SNTB1: variants seen among roughly 807,000 people sequenced by gnomAD.
The protein encoded by SNTB1 is beta-1-syntrophin.
In SNTB1, 36 loss-of-function variants were observed where a neutral mutation model predicts 48.9. The observed-to-expected ratio is 0.74, with a 90% confidence interval of 0.56 to 0.97. The LOEUF (loss-of-function observed/expected upper bound fraction) is 0.97, where lower values mean the gene tolerates loss of function less well. Ranked by LOEUF, SNTB1 falls within the 50% of genes least tolerant of loss-of-function variation. The probability of loss-of-function intolerance (pLI) is 0.00; values close to 1 mark genes in which losing one functional copy is unlikely to be tolerated. For synonymous variants in SNTB1, 299 were observed against 294.6 expected, an observed-to-expected ratio of 1.01 and a Z score of -0.15; for missense variants, 786 against 703.4, an observed-to-expected ratio of 1.12 and a Z score of -1.33.
chr8:120,569,079 C>T (rs1258262997), intron 4 of SNTB1, among the ~76,000 whole-genome samples: 1 of 152,198 alleles, frequency 6.6e-6, no homozygotes, highest in Non-Finnish European at 1.5e-5. Context: ...CTCCCAGGTT[C>T]AAGCGATTCT....
rs551946684 is a variant in SNTB1 at position 120,539,002 on chromosome 8, T to G, written c.1525-33A>C. 523 of 1,525,150 alleles carry G rather than the reference T, an allele frequency of 3.4e-4. 7 individuals carry two copies. In the South Asian group the frequency reaches 6.0e-3, roughly 18 times the overall value. 94.5% of individuals were successfully genotyped at this position (1,525,150 alleles called of 1,614,324 possible). On this transcript the variant is annotated intron_variant, in intron 6 of 6. Coordinates refer to ENST00000517992, the MANE Select transcript of SNTB1 (RefSeq NM_021021.4). The stretch of plus-strand genomic sequence containing the variant: ...TTAAAAAGAAGAGAGCATGAGCGAT[T>G]TTAAATTAATGCTTGATGTAGATGG...
At chr8:120,604,623 G>T (rs1048939143) in intron 3 of SNTB1, among the ~76,000 whole-genome samples, 1 of 151,978 alleles carries the variant, frequency 6.6e-6, no homozygotes, top group East Asian at 1.9e-4. Flanking sequence ...GCTAATTTTT[G>T]TATTTTTAGT....
chr8:120,617,129 CGTTAGT>C (rs1456907596), intron 3 of SNTB1, among the ~76,000 whole-genome samples: 1 of 152,164 alleles, frequency 6.6e-6, no homozygotes, highest in Non-Finnish European at 1.5e-5. Context: ...CATTAGCTAT[CGTTAGT>C]GTTAGTGTAT....
rs201154867 is a variant in SNTB1, at chr8:120,693,864, G to A, written c.616C>T (p.Pro206Ser). 1 of 1,614,090 alleles carries A rather than the reference G, an allele frequency of 6.2e-7. No individual in the cohort carries two copies. The highest frequency in any genetic ancestry group is 2.2e-5 in the East Asian group (1 of 44,872). Residue 206 changes from proline to serine, a missense_variant, in exon 2 of 7, where the codon CCA becomes TCA. By Grantham distance (74) the Pro-to-Ser change is moderately conservative. Coordinates refer to ENST00000517992, the MANE Select transcript of SNTB1 (RefSeq NM_021021.4). ...EATPYVKKGSPVSEIGWETPP... is the reference protein window; with the variant it reads ...EATPYVKKGSSVSEIGWETPP... ...GTTTCCCACCCAATCTCGGATACTG[G>A]GGATCCTTTCTTCACATAGGGCGTG...
chr8:120,716,174 A>AAATG (rs1173286241), intron 1 of SNTB1, among the ~76,000 whole-genome samples: 3 of 152,248 alleles, frequency 2.0e-5, no homozygotes, highest in African/African-American at 4.8e-5. Context: ...ATGTATACAT[A>AAATG]AATGAATGAA....
At chr8:120,595,266 G>A (rs1816305026) in intron 3 of SNTB1, among the ~76,000 whole-genome samples, 1 of 152,164 alleles carries the variant, frequency 6.6e-6, no homozygotes, top group African/African-American at 2.4e-5. Flanking sequence ...TGAGACAGGA[G>A]GTCTGCACAA....
chr8:120,541,815 C>T lies in SNTB1; in HGVS notation c.1519G>A (p.Glu507Lys). ...LYLDFGGKDGEIQLDLHSCPK... is the reference protein window; with the variant it reads ...LYLDFGGKDGKIQLDLHSCPK... ...CTAAAGAAAAGTACACTTACAATCT[C>T]TCCATCTTTGCCTCCAAAATCTAAA... Residue 507 changes from glutamate to lysine, a missense_variant, in exon 6 of 7, where the codon GAG becomes AAG. Transcript: ENST00000517992. 2.5e-6 allele frequency: 4 copies of T among 1,610,542 alleles called. No homozygotes were observed. The highest frequency in any genetic ancestry group is 3.4e-6 in the Non-Finnish European group (4 of 1,178,206).
At chr8:120,542,714 AC>A (rs1815310712) in intron 5 of SNTB1, among the ~76,000 whole-genome samples, 1 of 150,884 alleles carries the variant, frequency 6.6e-6, no homozygotes, top group Non-Finnish European at 1.5e-5. Context: ...TATCATCCAC[AC>A]ACACACACAC....
rs2130638871 is a variant in SNTB1, at chr8:120,538,585, G to A, written c.*292C>T. 2.0e-6 allele frequency: 1 copy of A among 491,388 alleles called. No individual in the cohort carries two copies. The highest frequency in any genetic ancestry group is 1.6e-5 in the South Asian group (1 of 64,222). 30.4% of individuals were successfully genotyped at this position (491,388 alleles called of 1,614,324 possible). On this transcript the variant is annotated 3_prime_UTR_variant, in exon 7 of 7. Coordinates refer to ENST00000517992, the MANE Select transcript of SNTB1 (RefSeq NM_021021.4). ...ATGCTGTTCTAATGGTCATGTCCTT[G>A]GTTGTCATTATTTCAAAGCTATGCT...
At chr8:120,647,137 T>C (rs1817311364) in intron 2 of SNTB1, among the ~76,000 whole-genome samples, 1 of 138,980 alleles carries the variant, frequency 7.2e-6, no homozygotes, top group Non-Finnish European at 1.6e-5. Context: ...CATTAATTTT[T>C]TGAAGGGTTT....
At chr8:120,572,286 C>T (rs1815867955) in intron 4 of SNTB1, among the ~76,000 whole-genome samples, 1 of 152,196 alleles carries the variant, frequency 6.6e-6, no homozygotes, top group Non-Finnish European at 1.5e-5. Context: ...TTGGACCAAA[C>T]TTCTTCCAGA....
At chr8:120,632,352 A>G (rs1001125514) in intron 3 of SNTB1, 92 bp downstream of exon 3, 5 of 1,158,630 alleles carry the variant, frequency 4.3e-6, no homozygotes, top group Non-Finnish European at 6.2e-6. Flanking sequence ...GAATGAGAGA[A>G]TCAGCCTATG....
At chr8:120,640,119 T>C (rs1294413632) in intron 2 of SNTB1, among the ~76,000 whole-genome samples, 1 of 151,746 alleles carries the variant, frequency 6.6e-6, no homozygotes, top group Non-Finnish European at 1.5e-5. Flanking sequence ...GATTCCTAGG[T>C]ATTTTATTCT....
rs1818167632 is a variant in SNTB1 at position 120,693,862 on chromosome 8, T to C, written c.618A>G (p.Pro206=). 1 of 1,614,126 alleles carries C rather than the reference T, an allele frequency of 6.2e-7. No homozygotes were observed. Among genetic ancestry groups the C allele is most frequent in the East Asian group, 2.2e-5 (1 of 44,882 alleles). Reference sequence around the variant, plus strand: ...GTGTTTCCCACCCAATCTCGGATACTGGGGATCCTTTCTTCACATAGGGCG... The same window carrying C: ...GTGTTTCCCACCCAATCTCGGATACCGGGGATCCTTTCTTCACATAGGGCG... ...EATPYVKKGS[P]VSEIGWETPP... The change falls in exon 2 of 7, where the codon CCA becomes CCG. Residue 206 remains proline, a synonymous_variant. Transcript: ENST00000517992.
At chr8:120,781,152 T>C (rs746019444) in intron 1 of SNTB1, among the ~76,000 whole-genome samples, 1 of 152,176 alleles carries the variant, frequency 6.6e-6, no homozygotes, top group Non-Finnish European at 1.5e-5. Context: ...GTGATTCTAG[T>C]AGTAAGTGGT....
At chr8:120,666,088 C>A (rs1256853408) in intron 2 of SNTB1, among the ~76,000 whole-genome samples, 1 of 152,024 alleles carries the variant, frequency 6.6e-6, no homozygotes, top group Non-Finnish European at 1.5e-5. Flanking sequence ...TTTCCAATTT[C>A]TATTAAAAGA....
intron 3 of SNTB1, among the ~76,000 whole-genome samples, chr8:120,612,745 A>G (rs1816646442): frequency 6.6e-6 from 1 of 152,128 alleles, no homozygotes; most frequent in Admixed American, 6.6e-5. Context: ...TAGAGACAAA[A>G]GTACAGCTGG....
intron 1 of SNTB1, among the ~76,000 whole-genome samples, chr8:120,711,851 C>T (rs902053757): frequency 2.0e-5 from 3 of 152,004 alleles, no homozygotes; most frequent in Non-Finnish European, 2.9e-5. Context: ...TATTGTTTGT[C>T]AATATAAAAA....
At chr8:120,559,069 C>A (rs571373183) in intron 4 of SNTB1, among the ~76,000 whole-genome samples, 8 of 152,284 alleles carry the variant, frequency 5.3e-5, no homozygotes, top group Non-Finnish European at 8.8e-5. Context: ...GCCCTTCAAC[C>A]AAACAAAGCA....
Sources: allele counts gnomAD v4.1 joint callset (sites outside exome capture counted in the v4.1 genomes callset), GRCh38; gene constraint gnomAD v4.1.1; transcripts MANE v1.5; gene names NCBI Gene and HGNC (gene_info 2026-07-23, HGNC 2026-07-21).